Variants in DDX6 observed in about 807,000 individuals in gnomAD.
The protein encoded by DDX6 is probable ATP-dependent RNA helicase DDX6.
DDX6 carries 7 observed loss-of-function variants against 60.6 expected under a neutral mutation model. That is an observed-to-expected ratio of 0.12 (90% CI 0.07 to 0.22). DDX6 has a LOEUF of 0.22. Ranked by LOEUF, DDX6 falls within the 10% of genes least tolerant of loss-of-function variation. The pLI is 1.00. For synonymous variants in DDX6, 207 were observed against 201.0 expected, an observed-to-expected ratio of 1.03 and a Z score of -0.25; for missense variants, 270 against 589.9, an observed-to-expected ratio of 0.46 and a Z score of 5.62.
At chr11:118,759,077 T>C in intron 8 of DDX6, 175 bp from the exon 9 acceptor site, 1 of 802,398 alleles carries the variant, frequency 1.2e-6, no homozygotes, top group Non-Finnish European at 1.8e-6. Context: ...CCTGCCACCC[T>C]GAGACAAAAT....
chr11:118,768,987 C>CAAAAAAAAAAAAAAAAAAAAAAAAA (rs782136763), intron 4 of DDX6, among the ~76,000 whole-genome samples: 2 of 39,984 alleles, frequency 5.0e-5, no homozygotes, highest in African/African-American at 2.0e-4. Context: ...CGTCTCATCT[C>CAAAAAAAAAAAAAAAAAAAAAAAAA]AAAAAAAAAA....
At chr11:118,781,026 G>C (rs1342735290) in intron 3 of DDX6, 95 bp downstream of exon 3, 1 of 787,694 alleles carries the variant, frequency 1.3e-6, no homozygotes, top group African/African-American at 1.7e-5. Flanking sequence ...TGGTGTTATG[G>C]TCCTGAAACC....
At chr11:118,757,344 CCAA>C in intron 9 of DDX6, 57 bp from the exon 10 acceptor site, 2 of 986,090 alleles carry the variant, frequency 2.0e-6, no homozygotes, top group Non-Finnish European at 2.9e-6. Flanking sequence ...ATTTGGTTTG[CCAA>C]ATCTTGAAAA....
intron 9 of DDX6, among the ~76,000 whole-genome samples, chr11:118,757,525 G>A (rs1861018554): frequency 6.6e-6 from 1 of 152,080 alleles, no homozygotes; most frequent in Non-Finnish European, 1.5e-5. Context: ...GTCAACAAGA[G>A]TAATACAATT....
intron 5 of DDX6, among the ~76,000 whole-genome samples, chr11:118,766,361 G>A (rs1041809637): frequency 6.6e-6 from 1 of 152,134 alleles, no homozygotes; most frequent in Non-Finnish European, 1.5e-5. Context: ...ATCAGCCTGG[G>A]AGATTAAGAC....
chr11:118,760,059 A>T lies in DDX6; in HGVS notation c.742-15T>A, dbSNP rs1555159832. ...AACTTATCTGCCTGCAGTAGAAAGAAAAGACAATTTTAAAAACAATAAAAT... is the reference window on the plus strand; with the variant it reads ...AACTTATCTGCCTGCAGTAGAAAGATAAGACAATTTTAAAAACAATAAAAT... On this transcript the variant is annotated splice_polypyrimidine_tract_variant and intron_variant, in intron 7 of 13. Coordinates refer to ENST00000534980, the MANE Select transcript of DDX6 (RefSeq NM_004397.6). 6.2e-7 allele frequency: 1 copy of T among 1,608,212 alleles called. No homozygotes were observed. Among genetic ancestry groups the T allele is most frequent in the South Asian group, 1.1e-5 (1 of 90,168 alleles).
At chr11:118,789,007 TAAA>T (rs1266180198) in intron 1 of DDX6, 1 of 150,952 alleles carries the variant, frequency 6.6e-6, no homozygotes, top group Non-Finnish European at 1.5e-5. Flanking sequence ...TTGGAGTTAA[TAAA>T]AACATACAAA....
rs1860635471 is a variant in DDX6, at chr11:118,748,469, G to C, written c.*3636C>G. 6.6e-6 allele frequency: 1 copy of C among 152,122 alleles called. No individual in the cohort carries two copies. The highest frequency in any genetic ancestry group is 1.5e-5 in the Non-Finnish European group (1 of 68,036). 9.4% of individuals were successfully genotyped at this position (152,122 alleles called of 1,614,324 possible). A position where few individuals can be genotyped will look rare whatever the true frequency, so the allele number is the denominator to read the frequency against. On this transcript the variant is annotated 3_prime_UTR_variant, in exon 14 of 14. Transcript: ENST00000534980. Reference sequence around the variant, plus strand: ...TTCACCAAAAAGCTGACTTACTTCAGCTCTCATGAGGCCAATAATTTTGAT... The same window carrying C: ...TTCACCAAAAAGCTGACTTACTTCACCTCTCATGAGGCCAATAATTTTGAT...
rs527747499 is a variant in DDX6 at position 118,754,364 on chromosome 11, ACCACTGCACTCCAGCCTGGATGAC to A, written c.*7+317_*7+340del. On this transcript the variant is annotated intron_variant, in intron 13 of 13. Transcript: ENST00000534980. ...CCAGGCTGCAGTGAGCTATGATTGC[ACCACTGCACTCCAGCCTGGATGAC>A]AGTGAGACCTTGTCTCAAAAAGAAA... 4.4e-4 allele frequency among the ~76,000 whole-genome samples: 67 copies of A among 152,194 alleles called. No homozygotes were observed. In the East Asian group the frequency reaches 0.012, roughly 27 times the overall value.
chr11:118,774,490 A>G, intron 4 of DDX6, among the ~76,000 whole-genome samples: 1 of 126,210 alleles, frequency 7.9e-6, no homozygotes, highest in African/African-American at 3.0e-5. Flanking sequence ...TTTTTGTGAG[A>G]CAGGGTCTTG....
At chr11:118,780,071 G>A (rs560631211) in intron 3 of DDX6, among the ~76,000 whole-genome samples, 11 of 113,626 alleles carry the variant, frequency 9.7e-5, no homozygotes, top group Non-Finnish European at 1.5e-4. Flanking sequence ...AGGTGAGATC[G>A]CACTCACTGC....
intron 2 of DDX6, 81 bp from the exon 3 acceptor site, chr11:118,781,265 G>T: frequency 1.2e-6 from 1 of 864,168 alleles, no homozygotes. Context: ...ATAATTAAGT[G>T]TTAAAAAAGC....
intron 4 of DDX6, among the ~76,000 whole-genome samples, chr11:118,777,897 G>GAAAAAAAAAA (rs374046858): frequency 4.0e-5 from 4 of 99,648 alleles, no homozygotes; most frequent in African/African-American, 8.1e-5. Flanking sequence ...TCAAAAAAGA[G>GAAAAAAAAAA]AAAAAAAAAA....
At chr11:118,757,311 T>C in intron 9 of DDX6, 24 bp from the exon 10 acceptor site, 1 of 1,326,184 alleles carries the variant, frequency 7.5e-7, no homozygotes, top group South Asian at 1.6e-5. Flanking sequence ...AAAATAAGTA[T>C]GAGAAAAATA....
chr11:118,754,480 A>AG, intron 13 of DDX6: 1 of 448,648 alleles, frequency 2.2e-6, no homozygotes, highest in Non-Finnish European at 3.9e-6. Context: ...AAGTACTGCT[A>AG]ATCTACCACA....
At chr11:118,785,832 G>A (rs557307302) in intron 2 of DDX6, 20 of 404,918 alleles carry the variant, frequency 4.9e-5, no homozygotes, top group Non-Finnish European at 7.0e-5. Flanking sequence ...TACAAAATTT[G>A]TGTGTATCAT....
intron 6 of DDX6, among the ~76,000 whole-genome samples, chr11:118,764,294 T>C (rs2137456657): frequency 6.6e-6 from 1 of 152,336 alleles, no homozygotes; most frequent in East Asian, 1.9e-4. Context: ...CTCGGCAATG[T>C]ATCATGAAAC....
At chr11:118,761,177 T>G (rs924761019) in intron 7 of DDX6, among the ~76,000 whole-genome samples, 6 of 152,212 alleles carry the variant, frequency 3.9e-5, no homozygotes, top group Admixed American at 3.9e-4. Context: ...AACTGCCAGG[T>G]TGAAATCTTG....
chr11:118,773,587 A>C (rs145269737), intron 4 of DDX6, among the ~76,000 whole-genome samples: 1 of 152,202 alleles, frequency 6.6e-6, no homozygotes, highest in African/African-American at 2.4e-5. Flanking sequence ...AAAATAAAAC[A>C]AAACAAAAAA....
Sources: gnomAD v4.1 joint callset for allele counts (sites outside exome capture counted in the v4.1 genomes callset) on GRCh38, gnomAD v4.1.1 for gene constraint, MANE v1.5 for transcripts, NCBI Gene and HGNC (gene_info 2026-07-23, HGNC 2026-07-21) for gene names.